CAMK1G: variants seen among roughly 807,000 people sequenced by gnomAD.
The protein encoded by CAMK1G is calcium/calmodulin-dependent protein kinase type 1G.
CAMK1G carries 27 observed loss-of-function variants against 54.8 expected under a neutral mutation model. The observed-to-expected ratio is 0.49, with a 90% CI of 0.36 to 0.68. CAMK1G has a LOEUF of 0.68. Among genes scored for constraint, CAMK1G ranks in the 30% least tolerant of loss-of-function variants. The probability of loss-of-function intolerance (pLI) is 0.00; values close to 1 mark genes in which losing one functional copy is unlikely to be tolerated. For synonymous variants in CAMK1G, 238 were observed against 224.9 expected (o/e 1.06, Z -0.52); for missense variants, 512 against 591.0 (o/e 0.87, Z 1.39).
chr1:209,584,912 CT>C (rs1426354018), intron 1 of CAMK1G, among the ~76,000 whole-genome samples: 1 of 152,172 alleles, frequency 6.6e-6, no homozygotes, highest in African/African-American at 2.4e-5. Flanking sequence ...GGGGACCACA[CT>C]TTACAGTTTA....
intron 7 of CAMK1G, 135 bp from the exon 8 acceptor site, chr1:209,608,845 G>A (rs779521519): frequency 2.2e-5 from 28 of 1,251,082 alleles, no homozygotes; most frequent in South Asian, 4.6e-5. Flanking sequence ...AGGCAGATCT[G>A]CGTCCTGGTC....
rs771607754 is a variant in CAMK1G, at chr1:209,611,950, A to T, written c.1074A>T (p.Ala358=). 3.1e-6 allele frequency: 5 copies of T among 1,614,224 alleles called. No homozygotes were observed. The highest frequency in any genetic ancestry group is 2.5e-6 in the Non-Finnish European group (3 of 1,180,026). The change falls in exon 11 of 13, where the codon GCA becomes GCT. Residue 358 remains alanine (A), a synonymous_variant. Coordinates refer to ENST00000361322, the MANE Select transcript of CAMK1G (RefSeq NM_020439.3). ...PSSPEITITE[A]PVLDHSVALP... is the part of the protein sequence containing the mutation. ...CCCCTGAGATCACCATCACCGAGGC[A>T]CCTGTCCTGGACCACAGTGTAGCAC...
At chr1:209,592,718 C>G (rs1457408471) in intron 1 of CAMK1G, among the ~76,000 whole-genome samples, 1 of 152,178 alleles carries the variant, frequency 6.6e-6, no homozygotes, top group African/African-American at 2.4e-5. Flanking sequence ...ATCTGTCTCC[C>G]CATCCCCTTT....
rs1434206258 is a variant in CAMK1G, at chr1:209,609,887, C to T, written c.785C>T (p.Pro262Leu). ...DFICHLLEKD[P>L]NERYTCEKAL... ...ATTTGCCACTTGCTTGAGAAGGATC[C>T]GAACGAGCGGTACACCTGTGAGAAG... Residue 262 changes from proline (P) to leucine (L), a missense_variant, in exon 9 of 13, where the codon CCG (proline) becomes CTG (leucine). Pro to Leu is a moderately conservative substitution (Grantham distance 98). Coordinates refer to ENST00000361322, the MANE Select transcript of CAMK1G (RefSeq NM_020439.3). The T allele has an allele frequency of 1.1e-5, 17 of 1,613,984 alleles. No individual in the cohort carries two copies. The highest frequency in any genetic ancestry group is 1.7e-5 in the Admixed American group (1 of 59,984).
chr1:209,610,822 A>T (rs1240149312), intron 9 of CAMK1G, among the ~76,000 whole-genome samples: 1 of 152,106 alleles, frequency 6.6e-6, no homozygotes, highest in Non-Finnish European at 1.5e-5. Context: ...CATGTCTCTT[A>T]CTTCTCGAGG....
rs983665469 is a variant in CAMK1G, at chr1:209,606,403, T to C, written c.519T>C (p.Asn173=). The change falls in exon 6 of 13, where the codon AAT becomes AAC. Residue 173 remains asparagine (N), a synonymous_variant. Coordinates refer to ENST00000361322, the MANE Select transcript of CAMK1G (RefSeq NM_020439.3). ...TTGGTCTGTCCAAGATGGAACAGAA[T>C]GGCATCATGTCCACTGCCTGTGGGA... is the stretch of plus-strand genomic sequence containing the variant. ...TDFGLSKMEQ[N]GIMSTACGTP... is the part of the protein sequence containing the mutation. 11 of 1,613,994 alleles carry C rather than the reference T, an allele frequency of 6.8e-6. No homozygotes were observed. The highest frequency in any genetic ancestry group is 9.3e-6 in the Non-Finnish European group (11 of 1,179,972).
At chr1:209,609,339 G>GC (rs573122920) in intron 8 of CAMK1G, among the ~76,000 whole-genome samples, 331 of 152,050 alleles carry the variant, frequency 2.2e-3, no homozygotes, top group Non-Finnish European at 3.4e-3. Context: ...AGATGGGGGG[G>GC]CAGTTTAGAA....
chr1:209,592,884 AT>A (rs1665293040), intron 1 of CAMK1G, among the ~76,000 whole-genome samples: 1 of 152,152 alleles, frequency 6.6e-6, no homozygotes, highest in African/African-American at 2.4e-5. Context: ...CATGAAACCT[AT>A]TTTACCACGA....
chr1:209,611,693 G>C, intron 10 of CAMK1G, 99 bp from the exon 11 acceptor site: 1 of 1,499,702 alleles, frequency 6.7e-7, no homozygotes. Context: ...TGAGAAGTGG[G>C]CACCCAGGTT....
In CAMK1G at chr1:209,609,048, A is replaced by C. The variant is rs767195803; in HGVS notation, c.704A>C (p.Tyr235Ser). 1.2e-6 allele frequency: 2 copies of C among 1,614,208 alleles called. No individual in the cohort carries two copies. The highest frequency in any genetic ancestry group is 1.7e-6 in the Non-Finnish European group (2 of 1,180,020). ...CTTTTCGAGAAGATCAAGGAGGGCT[A>C]CTATGAGTTTGAGTCTCCATTCTGG... ...SKLFEKIKEG[Y>S]YEFESPFWDD... The change falls in exon 8 of 13, where the codon TAC (tyrosine) becomes TCC (serine). Residue 235 changes from tyrosine to serine, a missense_variant. Transcript: ENST00000361322.
intron 2 of CAMK1G, among the ~76,000 whole-genome samples, chr1:209,597,657 T>C (rs1007107001): frequency 1.3e-5 from 2 of 152,210 alleles, no homozygotes; most frequent in African/African-American, 2.4e-5. Flanking sequence ...TCGGGCGGCT[T>C]TGATTAACTC....
At position 209,607,916 on chromosome 1, in the gene CAMK1G, C is replaced by T. The variant is rs1571785410; in HGVS notation, c.618C>T (p.Gly206=). Residue 206 remains glycine (G), a synonymous_variant, in exon 7 of 13, where the codon GGC becomes GGT. Transcript: ENST00000361322. Reference sequence around the variant, plus strand: ...AGGCTGTGGATTGCTGGTCCATCGGCGTCATCACCTACATATTGTGAGTAG... The same window carrying T: ...AGGCTGTGGATTGCTGGTCCATCGGTGTCATCACCTACATATTGTGAGTAG... ...YSKAVDCWSI[G]VITYILLCGY... 3 of 1,613,372 alleles carry T rather than the reference C, an allele frequency of 1.9e-6. No homozygotes were observed. The highest frequency in any genetic ancestry group is 1.1e-5 in the South Asian group (1 of 91,016).
At chr1:209,584,719 TGAGAAGGGTCAAGA>T (rs1356986278) in intron 1 of CAMK1G, among the ~76,000 whole-genome samples, 1 of 152,132 alleles carries the variant, frequency 6.6e-6, no homozygotes, top group Non-Finnish European at 1.5e-5. Flanking sequence ...GGAAAGCCTC[TGAGAAGGGTCAAGA>T]GAGTCAAGCA....
At chr1:209,609,653 A>G (rs1219943303) in intron 8 of CAMK1G, among the ~76,000 whole-genome samples, 198 bp from the exon 9 acceptor site, 3 of 151,996 alleles carry the variant, frequency 2.0e-5, no homozygotes, top group Non-Finnish European at 4.4e-5. Context: ...GGCGGCTTGG[A>G]GCTTCCCTTC....
At chr1:209,590,085 A>T (rs139343478) in intron 1 of CAMK1G, among the ~76,000 whole-genome samples, 88 of 152,312 alleles carry the variant, frequency 5.8e-4, no homozygotes, top group African/African-American at 2.0e-3. Flanking sequence ...TTGAAACCCA[A>T]TGGAAATTGT....
rs1052521261 is a variant in CAMK1G at position 209,592,947 on chromosome 1, G to A, written c.-29-2008G>A. Among the ~76,000 whole-genome samples the A allele has an allele frequency of 5.9e-5, 9 of 151,816 alleles. No homozygotes were observed. In the South Asian group the frequency reaches 1.2e-3, roughly 21 times the overall value. ...TGAAATACATCAACAAATGTCTCCA[G>A]AATATTATCTCTGTTACAACTGTTT... On this transcript the variant is annotated intron_variant, in intron 1 of 12. Transcript: ENST00000361322.
rs768959300 is a variant in CAMK1G, at chr1:209,611,854, C to T, written c.978C>T (p.Ser326=). ...GGAAGCTACACATGAACCTGCACAG[C>T]CCGGGCGTCCGCCCAGAGGTGGAGA... The part of the protein sequence containing the change: ...HMRKLHMNLH[S]PGVRPEVENR... Residue 326 remains serine (S), a synonymous_variant, in exon 11 of 13, where the codon AGC becomes AGT. Coordinates refer to ENST00000361322, the MANE Select transcript of CAMK1G (RefSeq NM_020439.3). The T allele has an allele frequency of 1.5e-5, 25 of 1,614,110 alleles. 1 individual carries two copies. In the African/African-American group the frequency reaches 2.4e-4, roughly 16 times the overall value.
At chr1:209,594,929 T>C in intron 1 of CAMK1G, 26 bp from the exon 2 acceptor site, 1 of 1,472,548 alleles carries the variant, frequency 6.8e-7, no homozygotes, top group Non-Finnish European at 9.4e-7. Flanking sequence ...TTTTTTCTCC[T>C]CCTTCTCCCA....
intron 3 of CAMK1G, among the ~76,000 whole-genome samples, chr1:209,600,362 G>C (rs1418410897): frequency 6.6e-6 from 1 of 151,948 alleles, no homozygotes; most frequent in Non-Finnish European, 1.5e-5. Flanking sequence ...ACAGGCTGGA[G>C]AGTAATTAGC....
Sources: gnomAD v4.1 joint callset for allele counts (sites outside exome capture counted in the v4.1 genomes callset) on GRCh38, gnomAD v4.1.1 for gene constraint, MANE v1.5 for transcripts, NCBI Gene and HGNC (gene_info 2026-07-23, HGNC 2026-07-21) for gene names.